The following ITGA9 variants were observed in gnomAD, a reference collection of about 807,000 sequenced individuals.
The protein encoded by ITGA9 is integrin alpha-9.
ITGA9 carries 56 observed loss-of-function variants against 127.8 expected under a neutral mutation model. The observed-to-expected ratio is 0.44, with a 90% CI of 0.35 to 0.55. ITGA9 has a LOEUF of 0.55. Among genes scored for constraint, ITGA9 ranks in the 20% least tolerant of loss-of-function variants. ITGA9 has a pLI of 0.00. For missense variants in ITGA9, 1,196 were observed against 1,347.1 expected, an observed-to-expected ratio of 0.89 and a Z score of 1.76; for synonymous variants, 508 against 514.5, an observed-to-expected ratio of 0.99 and a Z score of 0.17.
intron 14 of ITGA9, among the ~76,000 whole-genome samples, chr3:37,536,378 G>T (rs62239550): frequency 0.57 from 86,175 of 151,382 alleles, 24,960 homozygotes; most frequent in East Asian, 0.81. Context: ...GAGTTTGTTA[G>T]CAGGACGGCT....
chr3:37,668,997 G>A lies in ITGA9; in HGVS notation c.1917-14868G>A, dbSNP rs138128206. ...TTCCCTGACTGCATTCCAGAGCCAC[G>A]TGTGAGACTTGGGTTTAACGTGACC... On this transcript the variant is annotated intron_variant, in intron 17 of 27. Transcript: ENST00000264741. Among the ~76,000 whole-genome samples, 480 of 152,184 alleles carry A rather than the reference G, an allele frequency of 3.2e-3. 2 individuals carry two copies. The highest frequency in any genetic ancestry group is 9.7e-3 in the African/African-American group (404 of 41,530).
chr3:37,567,997 T>A (rs1699564294), intron 15 of ITGA9, among the ~76,000 whole-genome samples: 1 of 151,924 alleles, frequency 6.6e-6, no homozygotes, highest in South Asian at 2.1e-4. Flanking sequence ...CCAGCAGGAG[T>A]TCTGTGTGGA....
intron 23 of ITGA9, among the ~76,000 whole-genome samples, chr3:37,773,692 T>C (rs990939008): frequency 1.3e-5 from 2 of 152,132 alleles, no homozygotes; most frequent in Non-Finnish European, 2.9e-5. Flanking sequence ...GTGGGAACTT[T>C]CTGGAGTGAG....
intron 25 of ITGA9, among the ~76,000 whole-genome samples, chr3:37,780,875 G>A (rs1429235933): frequency 6.6e-6 from 1 of 152,092 alleles, no homozygotes; most frequent in African/African-American, 2.4e-5. Flanking sequence ...GTAATAGTCT[G>A]GCTGCCCCTT....
intron 15 of ITGA9, among the ~76,000 whole-genome samples, chr3:37,570,435 A>G (rs1306134766): frequency 6.6e-6 from 1 of 152,226 alleles, no homozygotes; most frequent in Non-Finnish European, 1.5e-5. Context: ...TAGGCTTGGT[A>G]TTGCTGGAAG....
intron 15 of ITGA9, among the ~76,000 whole-genome samples, chr3:37,553,190 G>A (rs1408487271): frequency 6.6e-6 from 1 of 152,110 alleles, no homozygotes; most frequent in African/African-American, 2.4e-5. Flanking sequence ...GAGACGCGAT[G>A]CCCCCTTATC....
intron 23 of ITGA9, among the ~76,000 whole-genome samples, chr3:37,767,599 T>C (rs536223884): frequency 6.6e-6 from 1 of 152,356 alleles, no homozygotes; most frequent in South Asian, 2.1e-4. Flanking sequence ...GACAGAACTC[T>C]TTATTTGAAC....
At chr3:37,654,713 C>CT (rs1559559274) in intron 17 of ITGA9, among the ~76,000 whole-genome samples, 1 of 152,078 alleles carries the variant, frequency 6.6e-6, no homozygotes, top group Non-Finnish European at 1.5e-5. Flanking sequence ...TATTGTTATA[C>CT]TTTAAGTTCC....
At chr3:37,519,379 C>T (rs370880377) in intron 11 of ITGA9, 25 bp downstream of exon 11, 2 of 1,543,804 alleles carry the variant, frequency 1.3e-6, no homozygotes, top group South Asian at 2.2e-5. Flanking sequence ...AGTGATATGG[C>T]AACTGTTCAT....
chr3:37,526,562 C>G lies in ITGA9; in HGVS notation c.1373+491C>G, dbSNP rs552735725. ...TGCCCGTTAGACAGCACGTCATTCC[C>G]TGTTGGCTGCAGAGGTGAGGGACAT... On this transcript the variant is annotated intron_variant, in intron 13 of 27. Coordinates refer to ENST00000264741, the MANE Select transcript of ITGA9 (RefSeq NM_002207.3). 9.8e-5 allele frequency among the ~76,000 whole-genome samples: 15 copies of G among 152,348 alleles called. 1 individual carries two copies. The South Asian group carries it at 2.7e-3, about 27-fold the overall frequency.
At chr3:37,578,049 G>T (rs1202906167) in intron 15 of ITGA9, among the ~76,000 whole-genome samples, 2 of 152,180 alleles carry the variant, frequency 1.3e-5, no homozygotes, top group African/African-American at 4.8e-5. Flanking sequence ...ATGGTTTTTA[G>T]TGAGGAACTG....
chr3:37,517,637 C>G (rs745757622), intron 10 of ITGA9, 28 bp downstream of exon 10: 1 of 1,473,962 alleles, frequency 6.8e-7, no homozygotes, highest in Non-Finnish European at 9.3e-7. Flanking sequence ...GTGCACGGAG[C>G]CCCTCCAGGT....
chr3:37,735,320 C>T (rs2125529935), intron 19 of ITGA9, among the ~76,000 whole-genome samples: 1 of 152,300 alleles, frequency 6.6e-6, no homozygotes, highest in South Asian at 2.1e-4. Context: ...CGCCCTGTCT[C>T]CATGCCTGCC....
chr3:37,662,405 T>A (rs1452369825), intron 17 of ITGA9, among the ~76,000 whole-genome samples: 3 of 151,432 alleles, frequency 2.0e-5, no homozygotes, highest in Non-Finnish European at 4.4e-5. Context: ...AAAATAATAA[T>A]AATAATGCAG....
intron 17 of ITGA9, among the ~76,000 whole-genome samples, chr3:37,668,579 G>A (rs1199478255): frequency 6.6e-6 from 1 of 152,190 alleles, no homozygotes; most frequent in African/African-American, 2.4e-5. Context: ...GGCTGTGTGT[G>A]TTGGTCCCTT....
At position 37,542,576 on chromosome 3, in the gene ITGA9, C is replaced by T. The variant is rs778849797; in HGVS notation, c.1680C>T (p.Ala560=). 1 of 1,614,060 alleles carries T rather than the reference C, an allele frequency of 6.2e-7. No homozygotes were observed. Among genetic ancestry groups the T allele is most frequent in the South Asian group, 1.1e-5 (1 of 91,066 alleles). ...AGGAGACGTGTCGTCACTATGTGGC[C>T]CATGTGAAGGTCAGTCCTCTCCTCC... ...YMEETCRHYV[A]HVKRRVQDVI... Residue 560 remains alanine (A), a synonymous_variant, in exon 15 of 28, where the codon GCC becomes GCT. Coordinates refer to ENST00000264741, the MANE Select transcript of ITGA9 (RefSeq NM_002207.3).
rs573996225 is a variant in ITGA9 at position 37,590,246 on chromosome 3, C to T, written c.1690-38941C>T. Among the ~76,000 whole-genome samples the T allele has an allele frequency of 3.9e-5, 6 of 152,338 alleles. No individual in the cohort carries two copies. The East Asian group carries it at 1.2e-3, about 29-fold the overall frequency. On this transcript the variant is annotated intron_variant, in intron 15 of 27. Coordinates refer to ENST00000264741, the MANE Select transcript of ITGA9 (RefSeq NM_002207.3). ...ACTCTACTGGGCTCTCCCTGCTCCC[C>T]ATGGAGCCTCATGCTGTCCTCAGGC...
intron 15 of ITGA9, among the ~76,000 whole-genome samples, chr3:37,613,476 C>G (rs1228864687): frequency 6.6e-6 from 1 of 152,112 alleles, no homozygotes; most frequent in East Asian, 1.9e-4. Flanking sequence ...TGGGTATATA[C>G]CCAGTAATGG....
At chr3:37,662,510 G>A (rs932246272) in intron 17 of ITGA9, among the ~76,000 whole-genome samples, 11 of 152,116 alleles carry the variant, frequency 7.2e-5, no homozygotes, top group Non-Finnish European at 1.0e-4. Context: ...GTGAAAGTAC[G>A]TTCCAGCTTG....
Sources: gnomAD v4.1 joint callset for allele counts (sites outside exome capture counted in the v4.1 genomes callset) on GRCh38, gnomAD v4.1.1 for gene constraint, MANE v1.5 for transcripts, NCBI Gene and HGNC (gene_info 2026-07-23, HGNC 2026-07-21) for gene names.